The following GLI3 variants were observed in gnomAD, a reference collection of about 807,000 sequenced individuals.
GLI3 encodes transcription activator GLI3.
GLI3 carries 20 observed loss-of-function variants against 100.8 expected under a neutral mutation model. The ratio of observed to expected loss-of-function variants is 0.20; its 90% CI spans 0.14 to 0.29. GLI3 has a LOEUF of 0.29. Among genes scored for constraint, GLI3 ranks in the 10% least tolerant of loss-of-function variants. The probability of loss-of-function intolerance (pLI) is 1.00; values close to 1 mark genes in which losing one functional copy is unlikely to be tolerated. For missense variants in GLI3, 2,040 were observed against 2,128.5 expected (o/e 0.96, Z 0.82); for synonymous variants, 938 against 860.5 (o/e 1.09, Z -1.58).
chr7:42,067,019 C>T (rs1178259545), intron 4 of GLI3, among the ~76,000 whole-genome samples: 1 of 152,060 alleles, frequency 6.6e-6, no homozygotes, highest in Non-Finnish European at 1.5e-5. Flanking sequence ...TACGCATATA[C>T]AGTAACATAG....
chr7:42,253,551 AT>A (rs1789055111), intron 1 of GLI3, among the ~76,000 whole-genome samples: 1 of 152,208 alleles, frequency 6.6e-6, no homozygotes, highest in Non-Finnish European at 1.5e-5. Context: ...TGGCTCACCA[AT>A]TGGGAACTTC....
intron 3 of GLI3, among the ~76,000 whole-genome samples, chr7:42,104,071 C>T (rs1459387419): frequency 1.3e-5 from 2 of 151,968 alleles, no homozygotes; most frequent in African/African-American, 4.8e-5. Context: ...TGTTTGGTGC[C>T]CTGTACAAGT....
chr7:42,252,265 C>G (rs1331126945), intron 1 of GLI3, among the ~76,000 whole-genome samples: 2 of 152,186 alleles, frequency 1.3e-5, no homozygotes, highest in Non-Finnish European at 1.5e-5. Context: ...ACCGTATGTT[C>G]TCACTCATAA....
chr7:41,966,289 G>A lies in GLI3; in HGVS notation c.2784C>T (p.Arg928=), dbSNP rs200157722. The change falls in exon 15 of 15, where the codon CGC becomes CGT. Residue 928 remains arginine, a synonymous_variant. Transcript: ENST00000395925. The surrounding 1 kb of genome is among the most constrained non-coding windows in gnomAD (Gnocchi z 5.8). ...TGGCAGCCGCGTACTTGGCCTTGAGGCGGTACTGCTGGGCGGGCGTGAGGC... is the reference window on the plus strand; with the variant it reads ...TGGCAGCCGCGTACTTGGCCTTGAGACGGTACTGCTGGGCGGGCGTGAGGC... The part of the protein sequence containing the change: ...LLSLTPAQQY[R]LKAKYAAATG... 46 of 1,608,174 alleles carry A rather than the reference G, an allele frequency of 2.9e-5. No individual in the cohort carries two copies. The East Asian group carries it at 8.3e-4, about 29-fold the overall frequency.
chr7:42,214,948 C>T (rs1788345913), intron 2 of GLI3, among the ~76,000 whole-genome samples: 1 of 150,476 alleles, frequency 6.6e-6, no homozygotes, highest in Admixed American at 6.6e-5. Flanking sequence ...TTTCGTTCTA[C>T]TACAAATTCG....
rs1432078485 is a variant in GLI3, at chr7:42,020,746, C to T, written c.1497+2722G>A. Among the ~76,000 whole-genome samples the T allele has an allele frequency of 2.0e-5, 3 of 152,024 alleles. 1 individual carries two copies. Among genetic ancestry groups the T allele is most frequent in the Admixed American group, 6.6e-5 (1 of 15,266 alleles). ...TCTACTAAAAATACAAAAAATTAGC[C>T]GGGCGTGGTAGCGGGCGCCTGTAGT... On this transcript the variant is annotated intron_variant, in intron 10 of 14. Coordinates refer to ENST00000395925, the MANE Select transcript of GLI3 (RefSeq NM_000168.6).
intron 1 of GLI3, among the ~76,000 whole-genome samples, chr7:42,229,891 C>G (rs1788661011): frequency 6.6e-6 from 1 of 152,094 alleles, no homozygotes. Context: ...TTAAACATTT[C>G]ATTGGATTTC....
intron 2 of GLI3, among the ~76,000 whole-genome samples, chr7:42,219,752 A>G (rs1326125399): frequency 6.6e-6 from 1 of 152,204 alleles, no homozygotes; most frequent in Admixed American, 6.5e-5. Context: ...TAACTCAGCC[A>G]GTAACAAAAC....
chr7:41,991,158 GA>G (rs537311026), intron 10 of GLI3, among the ~76,000 whole-genome samples: 259 of 152,328 alleles, frequency 1.7e-3, no homozygotes, highest in Middle Eastern at 6.8e-3. Flanking sequence ...CGGGAATGCA[GA>G]AACGAATACT....
intron 7 of GLI3, among the ~76,000 whole-genome samples, chr7:42,032,088 A>T (rs1398446168): frequency 6.6e-6 from 1 of 152,164 alleles, no homozygotes; most frequent in Non-Finnish European, 1.5e-5. Context: ...AATCTCAAAA[A>T]CTATACCCAA....
chr7:41,998,456 T>C (rs1788192514), intron 10 of GLI3, among the ~76,000 whole-genome samples: 1 of 152,198 alleles, frequency 6.6e-6, no homozygotes, highest in Non-Finnish European at 1.5e-5. Context: ...AAATTGCTAA[T>C]TATGCATTCA....
chr7:42,017,669 G>A (rs1047453436), intron 10 of GLI3, among the ~76,000 whole-genome samples: 1 of 152,186 alleles, frequency 6.6e-6, no homozygotes. Context: ...ACGAGGCAAG[G>A]CCAGGTCTTA....
At chr7:42,256,721 TC>T (rs1166601936) in intron 1 of GLI3, among the ~76,000 whole-genome samples, 1 of 152,200 alleles carries the variant, frequency 6.6e-6, no homozygotes, top group African/African-American at 2.4e-5. Flanking sequence ...GTATGAGGCT[TC>T]CAAATTTGCT....
At chr7:42,033,643 G>A (rs1046274904) in intron 7 of GLI3, among the ~76,000 whole-genome samples, 1 of 152,188 alleles carries the variant, frequency 6.6e-6, no homozygotes, top group Non-Finnish European at 1.5e-5. Context: ...CTTTGTGACT[G>A]TTGCACTAAG....
chr7:41,972,723 C>A lies in GLI3; in HGVS notation c.1813-96G>T. The stretch of plus-strand genomic sequence containing the variant: ...TATGGTTGCTCATTACATTTTTAAT[C>A]CTTTCAAAACACTTTCACAAGGCTT... On this transcript the variant is annotated intron_variant, in intron 12 of 14. Transcript: ENST00000395925. The surrounding 1 kb of genome is among the most constrained non-coding windows in gnomAD (Gnocchi z 4.4). 3.1e-6 allele frequency: 3 copies of A among 979,648 alleles called. No homozygotes were observed. The allele number at this position is 979,648 out of a possible 1,614,324, so 60.7% of individuals were successfully genotyped here. A position where few individuals can be genotyped will look rare whatever the true frequency, so the allele number is the denominator to read the frequency against.
chr7:42,007,075 G>A (rs970374343), intron 10 of GLI3, among the ~76,000 whole-genome samples: 6 of 151,966 alleles, frequency 3.9e-5, no homozygotes, highest in Admixed American at 1.3e-4. Context: ...AAAAGGAAAC[G>A]TTCATTCTTA....
chr7:42,209,986 G>GAAAAAAAAAA (rs749477443), intron 2 of GLI3, among the ~76,000 whole-genome samples: 2 of 33,268 alleles, frequency 6.0e-5, no homozygotes, highest in Non-Finnish European at 4.7e-5. Flanking sequence ...TTAAGAATCT[G>GAAAAAAAAAA]AAAAAAAAAA....
In GLI3 at chr7:42,201,797, G is replaced by T. The variant is rs189405221; in HGVS notation, c.124+21333C>A. 2.6e-5 allele frequency among the ~76,000 whole-genome samples: 4 copies of T among 152,030 alleles called. No homozygotes were observed. In the East Asian group the frequency reaches 7.7e-4, roughly 29 times the overall value. ...ATAGGAAAAGTACAGTAAAAGTACC[G>T]TATTGGCCGGGCGCCATGGCTCACA... On this transcript the variant is annotated intron_variant, in intron 2 of 14. Coordinates refer to ENST00000395925, the MANE Select transcript of GLI3 (RefSeq NM_000168.6).
Position 41,966,449 on chromosome 7 carries a change from C to CGGCGGCTGGAGA in GLI3, c.2612_2623dup (p.Arg874_Arg875insLeuSerSerArg). On this transcript the variant is annotated inframe_insertion, in exon 15 of 15. Coordinates refer to ENST00000395925, the MANE Select transcript of GLI3 (RefSeq NM_000168.6). This position sits in a 1 kb window ranked among gnomAD's most constrained non-coding sequence, Gnocchi z 5.8. The stretch of plus-strand genomic sequence containing the variant: ...CTCGGCCTGTGACGCCTCGCTGGAG[C>CGGCGGCTGGAGA]GGCGGCTGGAGAAGCAGGGCGAGAT... The CGGCGGCTGGAGA allele has an allele frequency of 6.2e-7, 1 of 1,611,770 alleles. No individual in the cohort carries two copies. The highest frequency in any genetic ancestry group is 8.5e-7 in the Non-Finnish European group (1 of 1,179,438).
Sources: allele counts gnomAD v4.1 joint callset (sites outside exome capture counted in the v4.1 genomes callset), GRCh38; gene constraint gnomAD v4.1.1; non-coding constraint Gnocchi (gnomAD v3.1); transcripts MANE v1.5; gene names NCBI Gene and HGNC (gene_info 2026-07-23, HGNC 2026-07-21).